CMSS1: variants seen among roughly 807,000 people sequenced by gnomAD.
CMSS1 encodes protein CMSS1.
In CMSS1, 33 loss-of-function variants were observed where a neutral mutation model predicts 43.5. That is an observed-to-expected ratio of 0.76 (90% CI 0.57 to 1.01). CMSS1 has a LOEUF of 1.01. Ranked by LOEUF, CMSS1 falls within the 50% of genes least tolerant of loss-of-function variation. The probability of loss-of-function intolerance (pLI) is 0.00; values close to 1 mark genes in which losing one functional copy is unlikely to be tolerated. For synonymous variants in CMSS1, 115 were observed against 117.2 expected (o/e 0.98, Z 0.12); for missense variants, 313 against 326.4 (o/e 0.96, Z 0.32).
At chr3:99,992,058 A>G (rs1397961283) in intron 1 of CMSS1, among the ~76,000 whole-genome samples, 1 of 151,098 alleles carries the variant, frequency 6.6e-6, no homozygotes, top group East Asian at 1.9e-4. Flanking sequence ...CTTTCTTTAT[A>G]TAGTCCTCCA....
intron 1 of CMSS1, chr3:99,849,852 A>T: frequency 1.2e-6 from 2 of 1,610,688 alleles, no homozygotes; most frequent in Non-Finnish European, 1.7e-6. Context: ...CAGAGTCTTG[A>T]TTTAATTTGT....
intron 1 of CMSS1, among the ~76,000 whole-genome samples, chr3:100,047,912 T>C (rs1358031792): frequency 6.6e-6 from 1 of 152,170 alleles, no homozygotes; most frequent in Non-Finnish European, 1.5e-5. Context: ...TTCTGGCACT[T>C]AGTAGGCAAA....
chr3:100,133,894 T>C (rs1288377125), intron 1 of CMSS1, among the ~76,000 whole-genome samples: 1 of 152,234 alleles, frequency 6.6e-6, no homozygotes, highest in Non-Finnish European at 1.5e-5. Flanking sequence ...AAATTAAGCA[T>C]TCTGAAGCAG....
chr3:100,026,201 A>G (rs535294957), intron 1 of CMSS1, among the ~76,000 whole-genome samples: 38 of 152,192 alleles, frequency 2.5e-4, no homozygotes, highest in Non-Finnish European at 5.9e-5. Flanking sequence ...TATCCTTTTT[A>G]TGGCCTGTTT....
In CMSS1 at chr3:99,990,597, A is replaced by G. The variant is rs375976862; in HGVS notation, c.65-156376A>G. 1.1e-4 allele frequency among the ~76,000 whole-genome samples: 16 copies of G among 152,284 alleles called. 1 individual carries two copies. The South Asian group carries it at 2.9e-3, about 28-fold the overall frequency. ...ACTGGAGAGCCTCTAAATAATACCA[A>G]TTCTTGTGCTTCACTTAAAACCAAT... On this transcript the variant is annotated intron_variant, in intron 1 of 9. Transcript: ENST00000421999.
chr3:100,159,500 T>C (rs1004810062), intron 2 of CMSS1, among the ~76,000 whole-genome samples: 1 of 152,240 alleles, frequency 6.6e-6, no homozygotes, highest in Non-Finnish European at 1.5e-5. Flanking sequence ...CTTTAGTTAG[T>C]AGCTTATCAG....
intron 1 of CMSS1, among the ~76,000 whole-genome samples, chr3:99,921,442 G>A (rs1172436459): frequency 6.6e-6 from 1 of 152,160 alleles, no homozygotes; most frequent in Non-Finnish European, 1.5e-5. Context: ...AAGGGTGGAC[G>A]TGAATGGGCC....
intron 1 of CMSS1, among the ~76,000 whole-genome samples, chr3:100,142,084 A>G (rs901643611): frequency 2.6e-5 from 4 of 152,250 alleles, no homozygotes; most frequent in African/African-American, 9.6e-5. Context: ...ACAGTGATAT[A>G]AGATGATCTC....
At chr3:100,013,025 C>T (rs1710206548) in intron 1 of CMSS1, among the ~76,000 whole-genome samples, 1 of 151,582 alleles carries the variant, frequency 6.6e-6, no homozygotes, top group African/African-American at 2.4e-5. Context: ...CTTCACCACA[C>T]CCAGCCAATT....
chr3:100,021,359 C>A (rs2064813967), intron 1 of CMSS1, among the ~76,000 whole-genome samples: 1 of 152,168 alleles, frequency 6.6e-6, no homozygotes, highest in Non-Finnish European at 1.5e-5. Context: ...TTTATTGCTG[C>A]CTTCCAAGTT....
intron 1 of CMSS1, among the ~76,000 whole-genome samples, chr3:100,089,759 A>G (rs1177527157): frequency 2.0e-5 from 3 of 152,336 alleles, no homozygotes; most frequent in East Asian, 3.9e-4. Flanking sequence ...AAAAGAAGAC[A>G]CCCGTGGCTA....
intron 1 of CMSS1, among the ~76,000 whole-genome samples, chr3:100,013,827 T>A (rs1710236927): frequency 6.6e-6 from 1 of 152,184 alleles, no homozygotes; most frequent in African/African-American, 2.4e-5. Context: ...GTGAGAAAAT[T>A]TAAAATCTGC....
At chr3:100,135,190 C>T (rs1328907372) in intron 1 of CMSS1, among the ~76,000 whole-genome samples, 2 of 152,116 alleles carry the variant, frequency 1.3e-5, no homozygotes, top group African/African-American at 4.8e-5. Context: ...TACAAGTATT[C>T]AGGCCCAAAA....
At chr3:100,140,983 A>G (rs1220614418) in intron 1 of CMSS1, among the ~76,000 whole-genome samples, 1 of 152,226 alleles carries the variant, frequency 6.6e-6, no homozygotes, top group Non-Finnish European at 1.5e-5. Context: ...TATGTATCCT[A>G]CAGGAGAGAC....
intron 1 of CMSS1, chr3:99,929,965 T>G: frequency 6.2e-7 from 1 of 1,614,152 alleles, no homozygotes. Flanking sequence ...AAACCCATAC[T>G]GAGCTTCCAG....
At chr3:100,096,337 A>G (rs1208158622) in intron 1 of CMSS1, among the ~76,000 whole-genome samples, 1 of 152,226 alleles carries the variant, frequency 6.6e-6, no homozygotes, top group African/African-American at 2.4e-5. Flanking sequence ...ACTGTTCACA[A>G]TAGCCAAGAT....
At chr3:100,127,683 T>A (rs1338321595) in intron 1 of CMSS1, among the ~76,000 whole-genome samples, 1 of 152,214 alleles carries the variant, frequency 6.6e-6, no homozygotes, top group East Asian at 1.9e-4. Context: ...TCTCACTGCT[T>A]ACATAATCCC....
chr3:100,181,546 A>G lies in CMSS1; in HGVS notation c.*3158A>G, dbSNP rs149035199. On this transcript the variant is annotated 3_prime_UTR_variant, in exon 10 of 10. Transcript: ENST00000421999. ...GATTCACTGCAGGATCCCACATTGCACTTACTTAGTTGTTGTATCTTTTTG... is the reference window on the plus strand; with the variant it reads ...GATTCACTGCAGGATCCCACATTGCGCTTACTTAGTTGTTGTATCTTTTTG... The G allele has an allele frequency of 1.8e-4, 27 of 152,300 alleles. No homozygotes were observed. The East Asian group carries it at 3.3e-3, about 18-fold the overall frequency. The allele number at this position is 152,300 out of a possible 1,614,324, so 9.4% of individuals were successfully genotyped here. A position where few individuals can be genotyped will look rare whatever the true frequency, so the allele number is the denominator to read the frequency against.
At chr3:99,833,150 A>G (rs1005902790) in intron 1 of CMSS1, 6 of 1,267,432 alleles carry the variant, frequency 4.7e-6, no homozygotes. Flanking sequence ...TTCATAGAAG[A>G]AAACGATTTT....
Sources: gnomAD v4.1 joint callset for allele counts (sites outside exome capture counted in the v4.1 genomes callset) on GRCh38, gnomAD v4.1.1 for gene constraint, MANE v1.5 for transcripts, NCBI Gene and HGNC (gene_info 2026-07-23, HGNC 2026-07-21) for gene names.